Variants in RYR2 observed in about 807,000 individuals in gnomAD.
The protein encoded by RYR2 is ryanodine receptor 2.
RYR2 carries 227 observed loss-of-function variants against 601.1 expected under a neutral mutation model. The ratio of observed to expected loss-of-function variants is 0.38; its 90% CI spans 0.34 to 0.42. The LOEUF is 0.42. Among genes scored for constraint, RYR2 ranks in the 10% least tolerant of loss-of-function variants. RYR2 has a pLI of 1.00. For synonymous variants in RYR2, 2,223 were observed against 2,175.1 expected, an observed-to-expected ratio of 1.02 and a Z score of -0.61; for missense variants, 4,646 against 6,156.5, an observed-to-expected ratio of 0.75 and a Z score of 8.21.
chr1:237,134,034 C>T (rs556008140), intron 1 of RYR2, among the ~76,000 whole-genome samples: 41 of 151,968 alleles, frequency 2.7e-4, no homozygotes, highest in African/African-American at 9.7e-4. Flanking sequence ...GAGGTGTTCC[C>T]TTGGGTCTGA....
chr1:237,566,472 T>G (rs1672096174), intron 27 of RYR2, 95 bp from the exon 28 acceptor site: 1 of 1,241,120 alleles, frequency 8.1e-7, no homozygotes, highest in African/African-American at 1.5e-5. Context: ...ATTACTAAAG[T>G]CGTGATTTAT....
chr1:237,213,935 T>C (rs1682884580), intron 1 of RYR2, among the ~76,000 whole-genome samples: 1 of 145,250 alleles, frequency 6.9e-6, no homozygotes, highest in Non-Finnish European at 1.5e-5. Flanking sequence ...TTTTTTTTTT[T>C]TTTTAGACAG....
At chr1:237,372,707 A>G (rs1486947171) in intron 6 of RYR2, among the ~76,000 whole-genome samples, 3 of 152,242 alleles carry the variant, frequency 2.0e-5, no homozygotes, top group Non-Finnish European at 2.9e-5. Flanking sequence ...CTCTCTATAC[A>G]TAATAGTTGG....
At chr1:237,547,109 G>C (rs1014768524) in intron 25 of RYR2, among the ~76,000 whole-genome samples, 1 of 151,294 alleles carries the variant, frequency 6.6e-6, no homozygotes, top group Non-Finnish European at 1.5e-5. Context: ...GGGTTTAAGC[G>C]ATTCTCCTGC....
intron 4 of RYR2, 71 bp from the exon 5 acceptor site, chr1:237,364,287 A>G: frequency 2.9e-6 from 4 of 1,376,908 alleles, no homozygotes; most frequent in Non-Finnish European, 3.0e-6. Context: ...TATAAATAAG[A>G]GATATTTTTA....
chr1:237,594,060 A>G (rs951412304), intron 33 of RYR2, among the ~76,000 whole-genome samples: 1 of 152,214 alleles, frequency 6.6e-6, no homozygotes, highest in Non-Finnish European at 1.5e-5. Flanking sequence ...AGGTGGACGC[A>G]TTTGAACTCG....
In RYR2 at chr1:237,623,896, TTATTAATTG is replaced by T. The variant is rs549197828; in HGVS notation, c.6022+30_6022+38del. ...GTAAGGTCTTTTTGATTAAAAGCTT[TTATTAATTG>T]TATGTTTTTAATCCATATATCCTGA... On this transcript the variant is annotated intron_variant, in intron 39 of 104. Transcript: ENST00000366574. 7,431 of 1,436,350 alleles carry T rather than the reference TTATTAATTG, an allele frequency of 5.2e-3. 22 individuals are homozygous for T. The highest frequency in any genetic ancestry group is 6.0e-3 in the Non-Finnish European group (6,084 of 1,018,934). The allele number at this position is 1,436,350 out of a possible 1,614,324, so 89.0% of individuals were successfully genotyped here.
At chr1:237,173,058 C>T (rs778622814) in intron 1 of RYR2, among the ~76,000 whole-genome samples, 27 of 152,072 alleles carry the variant, frequency 1.8e-4, no homozygotes, top group Admixed American at 5.2e-4. Flanking sequence ...ATTATTATTA[C>T]TAATACTACA....
At chr1:237,724,915 C>T (rs542942897) in intron 74 of RYR2, among the ~76,000 whole-genome samples, 1 of 152,054 alleles carries the variant, frequency 6.6e-6, no homozygotes, top group South Asian at 2.1e-4. Context: ...ATAAATATAT[C>T]CAATCATGAT....
At chr1:237,251,974 T>C (rs1182445674) in intron 1 of RYR2, among the ~76,000 whole-genome samples, 1 of 152,098 alleles carries the variant, frequency 6.6e-6, no homozygotes. Context: ...TTAAAAAAAA[T>C]ATATCTGGAT....
chr1:237,508,843 C>T (rs896185912), intron 23 of RYR2, among the ~76,000 whole-genome samples: 5 of 148,078 alleles, frequency 3.4e-5, no homozygotes, highest in Non-Finnish European at 6.0e-5. Flanking sequence ...CCCGGGTTCA[C>T]GCCATTCTCC....
intron 33 of RYR2, among the ~76,000 whole-genome samples, 196 bp downstream of exon 33, chr1:237,593,832 A>G (rs779854574): frequency 5.3e-5 from 8 of 152,362 alleles, no homozygotes; most frequent in South Asian, 4.1e-4. Context: ...ATGTGCAAAC[A>G]TTGTACAGTA....
At chr1:237,423,393 A>G (rs969424156) in intron 12 of RYR2, 145 bp downstream of exon 12, 3 of 1,011,940 alleles carry the variant, frequency 3.0e-6, no homozygotes, top group Non-Finnish European at 4.3e-6. Flanking sequence ...TCTTCCATAC[A>G]TTCCTCTCTG....
intron 23 of RYR2, among the ~76,000 whole-genome samples, chr1:237,508,017 G>A (rs1166551784): frequency 6.6e-6 from 1 of 152,128 alleles, no homozygotes; most frequent in Non-Finnish European, 1.5e-5. Context: ...AGCCTGGAGT[G>A]CAGTGGTGTG....
intron 1 of RYR2, among the ~76,000 whole-genome samples, chr1:237,228,504 A>G (rs140315344): frequency 4.6e-5 from 7 of 152,316 alleles, no homozygotes; most frequent in African/African-American, 1.7e-4. Flanking sequence ...GTTTCTATCA[A>G]TCAGCCTGTG....
intron 16 of RYR2, among the ~76,000 whole-genome samples, chr1:237,458,060 G>A (rs1476886723): frequency 1.3e-5 from 2 of 152,068 alleles, no homozygotes; most frequent in Non-Finnish European, 2.9e-5. Flanking sequence ...TCACACCTCT[G>A]GGACGTTGTC....
intron 35 of RYR2, among the ~76,000 whole-genome samples, chr1:237,605,905 A>G (rs1386023563): frequency 6.6e-5 from 10 of 151,280 alleles, no homozygotes; most frequent in African/African-American, 2.2e-4. Context: ...CCACTGCTCA[A>G]TGAAATAAAA....
intron 2 of RYR2, among the ~76,000 whole-genome samples, chr1:237,326,129 G>T (rs1348942730): frequency 6.6e-6 from 1 of 152,092 alleles, no homozygotes; most frequent in Non-Finnish European, 1.5e-5. Context: ...GGATACTTTG[G>T]TTGGAAACCT....
chr1:237,565,599 A>G (rs1306410747), intron 27 of RYR2, among the ~76,000 whole-genome samples: 1 of 152,174 alleles, frequency 6.6e-6, no homozygotes. Flanking sequence ...TTGGAGGCAA[A>G]GTAGGAAGAA....
Sources: gnomAD v4.1 joint callset for allele counts (sites outside exome capture counted in the v4.1 genomes callset) on GRCh38, gnomAD v4.1.1 for gene constraint, MANE v1.5 for transcripts, NCBI Gene and HGNC (gene_info 2026-07-23, HGNC 2026-07-21) for gene names.